The following NECAB2 variants were observed in gnomAD, a reference collection of about 807,000 sequenced individuals.
NECAB2 encodes N-terminal EF-hand calcium binding protein 2.
In NECAB2, 68 loss-of-function variants were observed where a neutral mutation model predicts 51.9. That is an observed-to-expected ratio of 1.31 (90% CI 1.08 to 1.60). The LOEUF is 1.60. NECAB2 is among the 40% of genes most tolerant of loss of function. The probability of loss-of-function intolerance (pLI) is 0.00; values close to 1 mark genes in which losing one functional copy is unlikely to be tolerated. For synonymous variants in NECAB2, 329 were observed against 203.5 expected, an observed-to-expected ratio of 1.62 and a Z score of -5.25; for missense variants, 854 against 490.3, an observed-to-expected ratio of 1.74 and a Z score of -7.00.
chr16:83,998,677 C>T (rs1011829302), intron 10 of NECAB2, among the ~76,000 whole-genome samples: 2 of 152,214 alleles, frequency 1.3e-5, no homozygotes, highest in African/African-American at 2.4e-5. Context: ...TCAGCTGCTG[C>T]TGTCACAGGG....
chr16:83,993,783 A>G lies in NECAB2; in HGVS notation c.597-519A>G, dbSNP rs1038016344. On this transcript the variant is annotated intron_variant, in intron 6 of 12. Coordinates refer to ENST00000305202, the MANE Select transcript of NECAB2 (RefSeq NM_019065.3). ...CGGGAGATGGGGCCAGGCCCAGGTCAGGATCACAGTTTCTGTCCTGTTACA... is the reference window on the plus strand; with the variant it reads ...CGGGAGATGGGGCCAGGCCCAGGTCGGGATCACAGTTTCTGTCCTGTTACA... 2.6e-5 allele frequency among the ~76,000 whole-genome samples: 4 copies of G among 152,146 alleles called. No homozygotes were observed. In the East Asian group the frequency reaches 7.7e-4, roughly 29 times the overall value.
intron 5 of NECAB2, among the ~76,000 whole-genome samples, chr16:83,984,594 G>A (rs1280013616): frequency 6.6e-6 from 1 of 152,066 alleles, no homozygotes; most frequent in African/African-American, 2.4e-5. Flanking sequence ...GCCGAGCATG[G>A]TGGGATGTGT....
rs1479217524 is a variant in NECAB2 at position 84,002,457 on chromosome 16, C to G, written c.*111C>G. 1 of 1,395,498 alleles carries G rather than the reference C, an allele frequency of 7.2e-7. No individual in the cohort carries two copies. The highest frequency in any genetic ancestry group is 1.0e-6 in the Non-Finnish European group (1 of 990,750). 86.4% of individuals were successfully genotyped at this position (1,395,498 alleles called of 1,614,324 possible). On this transcript the variant is annotated 3_prime_UTR_variant, in exon 13 of 13. Coordinates refer to ENST00000305202, the MANE Select transcript of NECAB2 (RefSeq NM_019065.3). ...TGCAGAAGCTTCTTTTCAATCCATC[C>G]TCCACAAGAAGGTGTTTCCCTGTTG...
Position 83,998,293 on chromosome 16 carries a change from C to T in NECAB2, c.938C>T (p.Thr313Ile), listed in dbSNP as rs1293565257. The T allele has an allele frequency of 4.3e-6, 7 of 1,613,332 alleles. No homozygotes were observed. The highest frequency in any genetic ancestry group is 1.7e-5 in the Admixed American group (1 of 59,966). The stretch of plus-strand genomic sequence containing the variant: ...TCTCTGCGCCAGTATCTGCGGGGGA[C>T]CACTGGCGTGAGGAACTGCTTCCAG... ...LDSLRQYLRG[T>I]TGVRNCFHIT... The change falls in exon 10 of 13, where the codon ACC becomes ATC. Residue 313 changes from threonine (T) to isoleucine (I), a missense_variant. Physicochemically the swap from Thr to Ile is moderately conservative, Grantham distance 89. Transcript: ENST00000305202.
intron 6 of NECAB2, among the ~76,000 whole-genome samples, chr16:83,991,034 T>G (rs1245008571): frequency 6.6e-6 from 1 of 152,140 alleles, no homozygotes; most frequent in Non-Finnish European, 1.5e-5. Context: ...CGCCCAGGAG[T>G]GCAGTGGCGT....
intron 5 of NECAB2, among the ~76,000 whole-genome samples, chr16:83,985,705 C>G (rs536416794): frequency 2.2e-4 from 33 of 151,764 alleles, no homozygotes; most frequent in African/African-American, 7.7e-4. Context: ...TATTTTCAAC[C>G]TATTATTTGA....
At chr16:83,999,229 C>T (rs74746966) in intron 10 of NECAB2, among the ~76,000 whole-genome samples, 2 of 152,060 alleles carry the variant, frequency 1.3e-5, no homozygotes, top group African/African-American at 4.8e-5. Context: ...CGAGACTCGG[C>T]GTGGCCACGA....
intron 10 of NECAB2, among the ~76,000 whole-genome samples, chr16:83,999,416 C>T (rs562838641): frequency 6.8e-4 from 103 of 152,194 alleles, no homozygotes; most frequent in African/African-American, 2.4e-3. Context: ...GCACGGTGGA[C>T]GTAGAGGCTC....
intron 5 of NECAB2, among the ~76,000 whole-genome samples, chr16:83,988,019 C>T (rs2084576864): frequency 6.6e-6 from 1 of 152,214 alleles, no homozygotes; most frequent in Non-Finnish European, 1.5e-5. Context: ...CATTTAAATT[C>T]TAACTTGATA....
intron 5 of NECAB2, among the ~76,000 whole-genome samples, chr16:83,981,877 A>G (rs556133856): frequency 2.6e-5 from 4 of 152,318 alleles, no homozygotes; most frequent in East Asian, 3.9e-4. Flanking sequence ...AGCAGCCACC[A>G]GCACCCTGAG....
chr16:83,973,164 C>G (rs889632), intron 2 of NECAB2, among the ~76,000 whole-genome samples: 44,196 of 152,224 alleles, frequency 0.29, 11,995 homozygotes, highest in African/African-American at 0.72. Flanking sequence ...GGGAAGAGCA[C>G]GCAACAGAGA....
chr16:83,991,632 C>G (rs2084627220), intron 6 of NECAB2, among the ~76,000 whole-genome samples: 1 of 151,466 alleles, frequency 6.6e-6, no homozygotes, highest in Non-Finnish European at 1.5e-5. Flanking sequence ...GGATTGCAGG[C>G]TTGAGCCATG....
chr16:83,965,802 C>T, upstream of NECAB2: 1 of 1,612,986 alleles, frequency 6.2e-7, no homozygotes, highest in East Asian at 2.2e-5. Context: ...GGGGCAGGGG[C>T]TGACTTTGCA....
At chr16:83,998,173 A>C (rs755502789) in intron 9 of NECAB2, 32 bp from the exon 10 acceptor site, 1 of 1,595,462 alleles carries the variant, frequency 6.3e-7, no homozygotes, top group Non-Finnish European at 8.5e-7. Flanking sequence ...CCTGACGTGG[A>C]GCCCCACACT....
Position 83,980,898 on chromosome 16 carries a change from G to A in NECAB2, c.361+34G>A, listed in dbSNP as rs747265103. 11 of 1,613,538 alleles carry A rather than the reference G, an allele frequency of 6.8e-6. No individual in the cohort carries two copies. The African/African-American group carries it at 1.3e-4, about 20-fold the overall frequency. On this transcript the variant is annotated intron_variant, in intron 4 of 12. Transcript: ENST00000305202. ...CTGGCTATGCTGGGACCAAGATGGG[G>A]ATGCTGGGATGGGGCTGGATGAGAA...
rs755827646 is a variant in NECAB2 at position 83,990,535 on chromosome 16, C to G, written c.501C>G (p.Arg167=). The G allele has an allele frequency of 1.9e-6, 3 of 1,614,164 alleles. No individual in the cohort carries two copies. In the South Asian group the frequency reaches 3.3e-5, roughly 18 times the overall value. The change falls in exon 6 of 13, where the codon CGC becomes CGG. Residue 167 remains arginine, a synonymous_variant. Coordinates refer to ENST00000305202, the MANE Select transcript of NECAB2 (RefSeq NM_019065.3). The part of the protein sequence containing the change: ...GGSNVDQFVT[R]FLLKETANQI... Reference sequence around the variant, plus strand: ...GCAACGTGGACCAGTTTGTGACCCGCTTCCTCCTGAAGGAGACGGCCAATC... The same window carrying G: ...GCAACGTGGACCAGTTTGTGACCCGGTTCCTCCTGAAGGAGACGGCCAATC...
rs774895031 is a variant in NECAB2 at position 84,001,899 on chromosome 16, C to A, written c.1115C>A (p.Ser372Tyr). Reference sequence around the variant, plus strand: ...ACACTGAGCCAGCCTGAGGCCCTCTCCAGGATCTTGGTGCCAGGTAGGGGG... The same window carrying A: ...ACACTGAGCCAGCCTGAGGCCCTCTACAGGATCTTGGTGCCAGGTAGGGGG... ...VDTLSQPEALSRILVPAAWCT... is the reference protein window; with the variant it reads ...VDTLSQPEALYRILVPAAWCT... Residue 372 changes from serine (S) to tyrosine (Y), a missense_variant, in exon 12 of 13, where the codon TCC (serine) becomes TAC (tyrosine). By Grantham distance (144) the Ser-to-Tyr change is moderately radical. Coordinates refer to ENST00000305202, the MANE Select transcript of NECAB2 (RefSeq NM_019065.3). The A allele has an allele frequency of 6.8e-6, 11 of 1,614,010 alleles. No homozygotes were observed. The highest frequency in any genetic ancestry group is 9.3e-6 in the Non-Finnish European group (11 of 1,179,914).
chr16:83,996,669 C>G (rs112445042), intron 8 of NECAB2, among the ~76,000 whole-genome samples: 84 of 152,280 alleles, frequency 5.5e-4, no homozygotes, highest in African/African-American at 1.9e-3. Flanking sequence ...CCGGGGTTCT[C>G]TGCCGTGACA....
intron 2 of NECAB2, among the ~76,000 whole-genome samples, chr16:83,974,424 A>G (rs2084382637): frequency 6.6e-6 from 1 of 152,146 alleles, no homozygotes; most frequent in East Asian, 1.9e-4. Context: ...GCTCTGCCTC[A>G]AATGCCTCGG....
Sources: gnomAD v4.1 joint callset for allele counts (sites outside exome capture counted in the v4.1 genomes callset) on GRCh38, gnomAD v4.1.1 for gene constraint, MANE v1.5 for transcripts, NCBI Gene and HGNC (gene_info 2026-07-23, HGNC 2026-07-21) for gene names.